Variants in CA10 observed in about 807,000 individuals in gnomAD.
The protein encoded by CA10 is carbonic anhydrase-related protein 10.
A neutral mutation model predicts 44.2 loss-of-function variants in CA10; 14 were observed. The observed-to-expected ratio is 0.32, with a 90% CI of 0.21 to 0.50. The LOEUF (loss-of-function observed/expected upper bound fraction) is 0.50. CA10 is among the 20% of genes least tolerant of loss of function. The probability of loss-of-function intolerance (pLI) is 0.99; values close to 1 mark genes in which losing one functional copy is unlikely to be tolerated. For synonymous variants in CA10, 159 were observed against 141.6 expected, an observed-to-expected ratio of 1.12 and a Z score of -0.87; for missense variants, 350 against 409.7, an observed-to-expected ratio of 0.85 and a Z score of 1.26.
intron 2 of CA10, among the ~76,000 whole-genome samples, chr17:51,976,553 A>G (rs1440256873): frequency 2.0e-5 from 3 of 152,070 alleles, no homozygotes; most frequent in Admixed American, 6.6e-5. Flanking sequence ...ACTGAACATA[A>G]GGAAAATACA....
At chr17:51,649,301 G>A in intron 5 of CA10, 47 bp from the exon 6 acceptor site, 2 of 1,299,772 alleles carry the variant, frequency 1.5e-6, no homozygotes, top group Non-Finnish European at 2.2e-6. Flanking sequence ...ACTCTTGCAG[G>A]ACAAACATCT....
chr17:52,002,551 T>A (rs916125893), intron 2 of CA10, among the ~76,000 whole-genome samples: 20 of 152,024 alleles, frequency 1.3e-4, no homozygotes, highest in Non-Finnish European at 2.4e-4. Context: ...AGGGGGTTCT[T>A]TAAATGGATG....
intron 2 of CA10, among the ~76,000 whole-genome samples, chr17:51,965,881 GA>G (rs953680420): frequency 3.3e-5 from 5 of 151,880 alleles, no homozygotes; most frequent in African/African-American, 9.6e-5. Context: ...TCAGGCAAGA[GA>G]AAAAAATAAA....
In CA10 at chr17:51,887,880, G is replaced by A. The variant is rs184818001; in HGVS notation, c.279+43110C>T. ...GAAAAAAAAAAAAGAAAAAAAATTA[G>A]TCGGGTGTGGTGGCAGGTGCCTGTA... On this transcript the variant is annotated intron_variant, in intron 3 of 8. Coordinates refer to ENST00000451037, the MANE Select transcript of CA10 (RefSeq NM_020178.5). Among the ~76,000 whole-genome samples the A allele has an allele frequency of 3.3e-5, 5 of 150,732 alleles. No homozygotes were observed. The East Asian group carries it at 9.8e-4, about 29-fold the overall frequency.
chr17:52,018,587 A>G (rs931015147), intron 2 of CA10, among the ~76,000 whole-genome samples: 2 of 152,088 alleles, frequency 1.3e-5, no homozygotes, highest in African/African-American at 4.8e-5. Flanking sequence ...CCACCATTAT[A>G]TCTAGGAAAT....
chr17:51,734,935 G>A (rs1460788465), intron 4 of CA10, among the ~76,000 whole-genome samples: 1 of 152,166 alleles, frequency 6.6e-6, no homozygotes, highest in Non-Finnish European at 1.5e-5. Flanking sequence ...GGAATGCTGT[G>A]TCATCCCATG....
intron 3 of CA10, among the ~76,000 whole-genome samples, chr17:51,764,754 G>A: frequency 6.6e-6 from 1 of 152,302 alleles, no homozygotes; most frequent in African/African-American, 2.4e-5. Context: ...CTGCCCACTA[G>A]GTGCTTTCAA....
At chr17:51,950,247 A>G (rs928457579) in intron 2 of CA10, among the ~76,000 whole-genome samples, 1 of 152,028 alleles carries the variant, frequency 6.6e-6, no homozygotes, top group East Asian at 1.9e-4. Flanking sequence ...TTCCTGTGTT[A>G]CCTCTGACCC....
intron 3 of CA10, among the ~76,000 whole-genome samples, chr17:51,870,314 T>A (rs1198491138): frequency 6.6e-6 from 1 of 152,242 alleles, no homozygotes; most frequent in Non-Finnish European, 1.5e-5. Context: ...ATTTTGCCCA[T>A]CATGAAAGAG....
chr17:51,876,343 ATCT>A (rs1980079208), intron 3 of CA10, among the ~76,000 whole-genome samples: 1 of 118,378 alleles, frequency 8.4e-6, no homozygotes, highest in African/African-American at 3.4e-5. Context: ...CTTTTTTTTC[ATCT>A]TTTTTTTTTT....
intron 4 of CA10, among the ~76,000 whole-genome samples, chr17:51,723,773 T>G (rs1916430536): frequency 6.6e-6 from 1 of 152,196 alleles, no homozygotes; most frequent in Non-Finnish European, 1.5e-5. Flanking sequence ...TGCAATGCTA[T>G]CTGGACTTCA....
intron 1 of CA10, among the ~76,000 whole-genome samples, chr17:52,156,034 A>C (rs996373052): frequency 1.3e-5 from 2 of 152,190 alleles, no homozygotes; most frequent in African/African-American, 4.8e-5. Flanking sequence ...CTGGGGACAG[A>C]GAGGATGCTG....
chr17:51,909,021 G>A lies in CA10; in HGVS notation c.279+21969C>T, dbSNP rs371263628. Among the ~76,000 whole-genome samples, 6 of 152,266 alleles carry A rather than the reference G, an allele frequency of 3.9e-5. No homozygotes were observed. In the East Asian group the frequency reaches 9.6e-4, roughly 24 times the overall value. Reference sequence around the variant, plus strand: ...GTCATCTGGTTTTCTGCAAAAGCCAGAGATAGAGCTGCTTACATTTCAGGG... The same window carrying A: ...GTCATCTGGTTTTCTGCAAAAGCCAAAGATAGAGCTGCTTACATTTCAGGG... On this transcript the variant is annotated intron_variant, in intron 3 of 8. Coordinates refer to ENST00000451037, the MANE Select transcript of CA10 (RefSeq NM_020178.5).
intron 3 of CA10, among the ~76,000 whole-genome samples, chr17:51,862,477 A>G (rs1448658598): frequency 2.0e-5 from 3 of 151,434 alleles, no homozygotes; most frequent in Non-Finnish European, 4.4e-5. Flanking sequence ...CAAGGTGTGC[A>G]TTATACTCTA....
At chr17:51,835,654 G>C (rs1314112702) in intron 3 of CA10, among the ~76,000 whole-genome samples, 1 of 152,164 alleles carries the variant, frequency 6.6e-6, no homozygotes, top group Non-Finnish European at 1.5e-5. Flanking sequence ...GCAATGGGAG[G>C]GGGTTTAATA....
At chr17:51,697,657 C>A (rs28763000) in intron 4 of CA10, among the ~76,000 whole-genome samples, 11,123 of 152,202 alleles carry the variant, frequency 0.073, 1,382 homozygotes, top group African/African-American at 0.25. Flanking sequence ...ATATGAGGGC[C>A]AGGGTCTTCG....
At chr17:51,781,965 G>A (rs1381245272) in intron 3 of CA10, among the ~76,000 whole-genome samples, 2 of 152,234 alleles carry the variant, frequency 1.3e-5, no homozygotes, top group Non-Finnish European at 2.9e-5. Context: ...TTAACAGCCA[G>A]TAAGTGGCAG....
chr17:52,123,491 G>T (rs1457206682), intron 1 of CA10, among the ~76,000 whole-genome samples: 1 of 151,846 alleles, frequency 6.6e-6, no homozygotes, highest in Non-Finnish European at 1.5e-5. Flanking sequence ...AGGAACCATT[G>T]TTTTGTTGAA....
intron 2 of CA10, among the ~76,000 whole-genome samples, chr17:52,015,267 G>A (rs1985931505): frequency 6.6e-6 from 1 of 152,084 alleles, no homozygotes; most frequent in South Asian, 2.1e-4. Context: ...ATTTGTCTTT[G>A]GAACTGACAT....
Sources: gnomAD v4.1 joint callset for allele counts (sites outside exome capture counted in the v4.1 genomes callset) on GRCh38, gnomAD v4.1.1 for gene constraint, MANE v1.5 for transcripts, NCBI Gene and HGNC (gene_info 2026-07-23, HGNC 2026-07-21) for gene names.